The following KIF26B variants were observed in gnomAD, a reference collection of about 807,000 sequenced individuals.
The protein encoded by KIF26B is kinesin-like protein KIF26B.
KIF26B carries 63 observed loss-of-function variants against 151.2 expected under a neutral mutation model. The observed-to-expected ratio is 0.42, with a 90% CI of 0.34 to 0.51. KIF26B has a LOEUF of 0.51. KIF26B is among the 20% of genes least tolerant of loss of function. KIF26B has a pLI of 0.07. For synonymous variants in KIF26B, 1,357 were observed against 1,262.1 expected, an observed-to-expected ratio of 1.08 and a Z score of -1.59; for missense variants, 2,813 against 2,913.6, an observed-to-expected ratio of 0.97 and a Z score of 0.79.
intron 2 of KIF26B, among the ~76,000 whole-genome samples, chr1:245,270,697 A>T (rs1479437345): frequency 2.0e-5 from 3 of 152,138 alleles, no homozygotes; most frequent in Non-Finnish European, 4.4e-5. Flanking sequence ...GATGGTTTGC[A>T]TGTATTTTCT....
intron 2 of KIF26B, among the ~76,000 whole-genome samples, chr1:245,316,612 G>C (rs563276106): frequency 3.3e-5 from 5 of 151,750 alleles, no homozygotes; most frequent in Non-Finnish European, 7.4e-5. Context: ...GTTGTAGCCT[G>C]TTTCCTATTC....
At chr1:245,338,342 C>T (rs1217146409) in intron 2 of KIF26B, among the ~76,000 whole-genome samples, 2 of 152,186 alleles carry the variant, frequency 1.3e-5, no homozygotes. Flanking sequence ...CAACCATGCT[C>T]ATTCATTTAC....
intron 3 of KIF26B, among the ~76,000 whole-genome samples, chr1:245,373,240 ACTTTCCATGACTGGCC>A (rs1319928474): frequency 6.6e-6 from 1 of 152,230 alleles, no homozygotes. Context: ...CACTACAATT[ACTTTCCATGACTGGCC>A]CTAGTTTAGG....
chr1:245,169,277 T>C (rs1330847940), intron 2 of KIF26B, among the ~76,000 whole-genome samples: 1 of 151,806 alleles, frequency 6.6e-6, no homozygotes, highest in Non-Finnish European at 1.5e-5. Flanking sequence ...ATTTCTCCTC[T>C]TGTTCTTTGC....
At chr1:245,442,213 C>T (rs1042274165) in intron 4 of KIF26B, among the ~76,000 whole-genome samples, 1 of 152,192 alleles carries the variant, frequency 6.6e-6, no homozygotes, top group Non-Finnish European at 1.5e-5. Flanking sequence ...GAAGTCCCCA[C>T]GCCTGGTAGC....
At chr1:245,379,393 A>T (rs1050121145) in intron 3 of KIF26B, among the ~76,000 whole-genome samples, 1 of 152,208 alleles carries the variant, frequency 6.6e-6, no homozygotes, top group African/African-American at 2.4e-5. Flanking sequence ...TGGACAGGTC[A>T]CATTTAAAAT....
chr1:245,475,025 C>T (rs1012809492), intron 4 of KIF26B, among the ~76,000 whole-genome samples: 6 of 151,860 alleles, frequency 4.0e-5, no homozygotes, highest in South Asian at 2.1e-4. Context: ...TTTCACTGCT[C>T]ATATAAATGA....
At chr1:245,320,839 G>A (rs1396849063) in intron 2 of KIF26B, among the ~76,000 whole-genome samples, 3 of 151,984 alleles carry the variant, frequency 2.0e-5, no homozygotes, top group South Asian at 2.1e-4. Flanking sequence ...CACCATGCCC[G>A]GCTAATATTT....
chr1:245,604,518 A>C (rs2043429409), intron 6 of KIF26B, among the ~76,000 whole-genome samples: 1 of 152,242 alleles, frequency 6.6e-6, no homozygotes, highest in African/African-American at 2.4e-5. Flanking sequence ...TGGGCTCAGT[A>C]ATTTAAACCT....
intron 2 of KIF26B, among the ~76,000 whole-genome samples, chr1:245,319,320 G>A (rs1671839676): frequency 6.6e-6 from 1 of 152,184 alleles, no homozygotes; most frequent in Admixed American, 6.5e-5. Context: ...CGGAAGAGTG[G>A]GTGACAATGT....
chr1:245,550,148 G>GTGTCTGCC (rs1661843876), intron 5 of KIF26B, among the ~76,000 whole-genome samples: 2 of 152,072 alleles, frequency 1.3e-5, no homozygotes, highest in Non-Finnish European at 2.9e-5. Context: ...CTCAGTCTGC[G>GTGTCTGCC]TCTGTGTTCT....
At chr1:245,169,013 A>G (rs544457398) in intron 2 of KIF26B, among the ~76,000 whole-genome samples, 11 of 152,314 alleles carry the variant, frequency 7.2e-5, no homozygotes, top group Admixed American at 6.5e-4. Flanking sequence ...TTCAGGGAAT[A>G]TAGCTATTAA....
At chr1:245,455,970 C>T (rs1054785890) in intron 4 of KIF26B, among the ~76,000 whole-genome samples, 7 of 152,076 alleles carry the variant, frequency 4.6e-5, no homozygotes, top group African/African-American at 1.7e-4. Context: ...ATTCTAATTA[C>T]AAATCTGGCC....
At chr1:245,303,245 C>CTGGAGTG (rs1671467103) in intron 2 of KIF26B, among the ~76,000 whole-genome samples, 1 of 141,990 alleles carries the variant, frequency 7.0e-6, no homozygotes, top group Non-Finnish European at 1.5e-5. Flanking sequence ...GTCGCCCAGG[C>CTGGAGTG]CGGAGTGCAG....
chr1:245,217,914 C>T (rs1054896593), intron 2 of KIF26B, among the ~76,000 whole-genome samples: 1 of 152,090 alleles, frequency 6.6e-6, no homozygotes, highest in South Asian at 2.1e-4. Flanking sequence ...TTCTTGTCAC[C>T]CGAATTTTAC....
At chr1:245,598,206 T>C (rs1327236283) in intron 5 of KIF26B, among the ~76,000 whole-genome samples, 10 of 152,140 alleles carry the variant, frequency 6.6e-5, no homozygotes, top group African/African-American at 2.2e-4. Context: ...TGGGCATTTA[T>C]TGTGGCCAAG....
At chr1:245,332,772 A>G (rs1343913330) in intron 2 of KIF26B, among the ~76,000 whole-genome samples, 3 of 152,114 alleles carry the variant, frequency 2.0e-5, no homozygotes, top group African/African-American at 7.2e-5. Context: ...CATGGCTCAT[A>G]AGTTTCCAGT....
rs2044851838 is a variant in KIF26B, at chr1:245,707,115, A to C, written c.*4509A>C. 6.6e-6 allele frequency: 1 copy of C among 152,168 alleles called. No individual in the cohort carries two copies. The highest frequency in any genetic ancestry group is 1.5e-5 in the Non-Finnish European group (1 of 68,024). The allele number at this position is 152,168 out of a possible 1,614,324, so 9.4% of individuals were successfully genotyped here. A position where few individuals can be genotyped will look rare whatever the true frequency, so the allele number is the denominator to read the frequency against. ...TACTGTCATTTAAGCTCATCTTCTC[A>C]AAAAAATTTTTTCTGAAAATTCCTG... On this transcript the variant is annotated 3_prime_UTR_variant, in exon 15 of 15. Coordinates refer to ENST00000407071, the MANE Select transcript of KIF26B (RefSeq NM_018012.4).
chr1:245,457,908 A>G (rs1659570357), intron 4 of KIF26B, among the ~76,000 whole-genome samples: 1 of 152,190 alleles, frequency 6.6e-6, no homozygotes, highest in South Asian at 2.1e-4. Context: ...TAGGGTGGAA[A>G]TGGAATTGAT....
Sources: allele counts gnomAD v4.1 joint callset (sites outside exome capture counted in the v4.1 genomes callset), GRCh38; gene constraint gnomAD v4.1.1; transcripts MANE v1.5; gene names NCBI Gene and HGNC (gene_info 2026-07-23, HGNC 2026-07-21).